The following IQSEC1 variants were observed in gnomAD, a reference collection of about 807,000 sequenced individuals.
IQSEC1 encodes the protein IQ motif and SEC7 domain-containing protein 1.
In IQSEC1, 31 loss-of-function variants were observed where a neutral mutation model predicts 91.0. The ratio of observed to expected loss-of-function variants is 0.34; its 90% CI spans 0.26 to 0.46. The LOEUF (loss-of-function observed/expected upper bound fraction) is 0.46, where lower values mean the gene tolerates loss of function less well. Among genes scored for constraint, IQSEC1 ranks in the 20% least tolerant of loss-of-function variants. IQSEC1 has a pLI of 1.00. For missense variants in IQSEC1, 1,388 were observed against 1,575.6 expected (o/e 0.88, Z 2.02); for synonymous variants, 699 against 662.6 (o/e 1.05, Z -0.84).
At chr3:13,032,312 A>G (rs977857102) in intron 1 of IQSEC1, among the ~76,000 whole-genome samples, 4 of 152,210 alleles carry the variant, frequency 2.6e-5, no homozygotes, top group East Asian at 1.9e-4. Flanking sequence ...GCGGTCCTCT[A>G]TGGAGACACA....
intron 1 of IQSEC1, among the ~76,000 whole-genome samples, chr3:13,245,417 G>A (rs1695091975): frequency 6.6e-6 from 1 of 152,130 alleles, no homozygotes; most frequent in African/African-American, 2.4e-5. Flanking sequence ...GATTCAAGGG[G>A]TGGAAAAAAG....
rs929565415 is a variant in IQSEC1, at chr3:13,211,194, G to A, written c.273-47061C>T. ...GACACAGGGCAGGAGAACAGTGTAA[G>A]CACAGCCTGAAGAAATGAGGATCCA... is the stretch of plus-strand genomic sequence containing the variant. On this transcript the variant is annotated intron_variant, in intron 1 of 15. Coordinates refer to the IQSEC1 transcript ENST00000648114. The surrounding 1 kb of genome is among the most constrained non-coding windows in gnomAD (Gnocchi z 5.3). 7.9e-5 allele frequency among the ~76,000 whole-genome samples: 12 copies of A among 152,354 alleles called. No individual in the cohort carries two copies. The highest frequency in any genetic ancestry group is 3.4e-3 in the Middle Eastern group (1 of 294).
chr3:12,989,655 CT>C (rs1701898847), intron 1 of IQSEC1, among the ~76,000 whole-genome samples: 1 of 152,180 alleles, frequency 6.6e-6, no homozygotes, highest in African/African-American at 2.4e-5. Flanking sequence ...CTGGCTGGCC[CT>C]GGGCCACTCC....
intron 1 of IQSEC1, among the ~76,000 whole-genome samples, chr3:13,010,824 T>G (rs942690594): frequency 2.6e-5 from 4 of 152,186 alleles, no homozygotes; most frequent in African/African-American, 9.7e-5. Context: ...CTTTTTGTCC[T>G]GAACTCTGGC....
intron 2 of IQSEC1, among the ~76,000 whole-genome samples, chr3:13,138,564 C>G (rs1318308997): frequency 6.6e-6 from 1 of 152,104 alleles, no homozygotes; most frequent in Non-Finnish European, 1.5e-5. Flanking sequence ...TCCTATGCTG[C>G]CAGGCTCCCG....
chr3:12,991,003 G>A (rs114550858), intron 1 of IQSEC1, among the ~76,000 whole-genome samples: 37 of 152,304 alleles, frequency 2.4e-4, no homozygotes, highest in African/African-American at 8.9e-4. Context: ...CTAAGTCACT[G>A]AGAATTTAGC....
intron 3 of IQSEC1, among the ~76,000 whole-genome samples, chr3:12,925,029 C>T (rs561243003): frequency 6.6e-6 from 1 of 152,344 alleles, no homozygotes; most frequent in South Asian, 2.1e-4. Context: ...CTCACCCAGA[C>T]CTTGTACAAA....
At chr3:12,995,855 C>T (rs1442745858) in intron 1 of IQSEC1, among the ~76,000 whole-genome samples, 1 of 152,206 alleles carries the variant, frequency 6.6e-6, no homozygotes, top group Non-Finnish European at 1.5e-5. Context: ...ACTGCATATT[C>T]TACCCTTCCA....
chr3:13,202,705 T>C (rs868139867), intron 1 of IQSEC1, among the ~76,000 whole-genome samples: 5 of 152,106 alleles, frequency 3.3e-5, no homozygotes, highest in African/African-American at 7.2e-5. Context: ...AGATAGATGA[T>C]AGTGACGGTT....
chr3:12,962,449 C>A (rs185343926), intron 1 of IQSEC1, among the ~76,000 whole-genome samples: 1 of 152,206 alleles, frequency 6.6e-6, no homozygotes, highest in African/African-American at 2.4e-5. Flanking sequence ...GAGAACCCTT[C>A]CAGTTTGTGT....
chr3:13,161,705 G>A (rs76933575), intron 2 of IQSEC1, among the ~76,000 whole-genome samples: 4,610 of 152,280 alleles, frequency 0.03, 89 homozygotes, highest in Non-Finnish European at 0.043. Flanking sequence ...TGTCTACTGC[G>A]ATGTCCACAC....
intron 2 of IQSEC1, among the ~76,000 whole-genome samples, chr3:13,085,197 C>T (rs1365135707): frequency 6.6e-6 from 1 of 152,152 alleles, no homozygotes; most frequent in Non-Finnish European, 1.5e-5. Flanking sequence ...GAAACTGATG[C>T]TCAGAGACAC....
intron 2 of IQSEC1, among the ~76,000 whole-genome samples, chr3:13,134,614 T>C (rs1440811679): frequency 1.3e-5 from 2 of 152,242 alleles, no homozygotes; most frequent in African/African-American, 4.8e-5. Flanking sequence ...CGGGTGATGA[T>C]GTTTGTCAAC....
intron 2 of IQSEC1, among the ~76,000 whole-genome samples, chr3:13,080,452 A>G (rs187468252): frequency 6.6e-6 from 1 of 152,054 alleles, no homozygotes; most frequent in East Asian, 1.9e-4. Context: ...GTGGAGGGAG[A>G]TATAACCCCT....
intron 2 of IQSEC1, among the ~76,000 whole-genome samples, chr3:13,149,343 C>CCTCCCCACAGACAGGCTG (rs1706951480): frequency 6.6e-6 from 1 of 151,948 alleles, no homozygotes; most frequent in Non-Finnish European, 1.5e-5. Context: ...GAGCAGACCT[C>CCTCCCCACAGACAGGCTG]CTCCCCACAG....
intron 1 of IQSEC1, among the ~76,000 whole-genome samples, chr3:13,221,087 G>A (rs1694650583): frequency 6.6e-6 from 1 of 152,222 alleles, no homozygotes. Flanking sequence ...CATAAGCAGG[G>A]CTGTCGCTGG....
intron 1 of IQSEC1, among the ~76,000 whole-genome samples, chr3:12,943,294 C>A (rs1008153992): frequency 6.6e-6 from 1 of 152,220 alleles, no homozygotes; most frequent in Middle Eastern, 3.2e-3. Flanking sequence ...GGGAGCAGTG[C>A]CCCTGGTGGG....
chr3:13,196,321 T>G (rs919971124), intron 1 of IQSEC1, among the ~76,000 whole-genome samples: 4 of 152,312 alleles, frequency 2.6e-5, no homozygotes, highest in South Asian at 2.1e-4. Context: ...TTCTTCCAGC[T>G]GGTGCCGCAG....
At position 13,269,780 on chromosome 3, in the gene IQSEC1, G is replaced by A. The variant is rs188128598; in HGVS notation, c.272+12931C>T. On this transcript the variant is annotated intron_variant, in intron 1 of 15. Transcript: ENST00000648114. ...AGGGAGAAGTGACAGAGCCCAGTCT[G>A]AGCAAACCAAATGTGGGAGATTAAG... is the stretch of plus-strand genomic sequence containing the variant. 5.9e-5 allele frequency among the ~76,000 whole-genome samples: 9 copies of A among 152,370 alleles called. No homozygotes were observed. The East Asian group carries it at 1.7e-3, about 29-fold the overall frequency.
Sources: gnomAD v4.1 joint callset for allele counts (sites outside exome capture counted in the v4.1 genomes callset) on GRCh38, gnomAD v4.1.1 for gene constraint, Gnocchi (gnomAD v3.1) non-coding constraint, MANE v1.5 for transcripts, NCBI Gene and HGNC (gene_info 2026-07-23, HGNC 2026-07-21) for gene names.